The following ATL1 variants were observed in gnomAD, a reference collection of about 807,000 sequenced individuals.
The protein encoded by ATL1 is atlastin-1.
In ATL1, 31 loss-of-function variants were observed where a neutral mutation model predicts 75.5. The observed-to-expected ratio is 0.41, with a 90% CI of 0.31 to 0.55. The LOEUF is 0.55. Among genes scored for constraint, ATL1 ranks in the 20% least tolerant of loss-of-function variants. ATL1 has a pLI of 0.27. For synonymous variants in ATL1, 226 were observed against 233.3 expected (o/e 0.97, Z 0.28); for missense variants, 405 against 662.6 (o/e 0.61, Z 4.27).
chr14:50,595,880 G>A (rs887296292), intron 6 of ATL1, among the ~76,000 whole-genome samples: 18 of 135,826 alleles, frequency 1.3e-4, no homozygotes, highest in Non-Finnish European at 2.4e-4. Context: ...CAGGCAAAAT[G>A]TCAGCTTTTT....
intron 1 of ATL1, among the ~76,000 whole-genome samples, chr14:50,586,139 G>A (rs914188378): frequency 6.6e-6 from 1 of 151,974 alleles, no homozygotes; most frequent in African/African-American, 2.4e-5. Context: ...TTATCAAATA[G>A]ACATCATGAA....
intron 1 of ATL1, 166 bp downstream of exon 1, chr14:50,560,465 C>T (rs552197060): frequency 8.7e-6 from 8 of 915,764 alleles, no homozygotes; most frequent in Non-Finnish European, 1.2e-5. Flanking sequence ...GAACCATGGC[C>T]GAGCGGTACC....
intron 4 of ATL1, 133 bp from the exon 5 acceptor site, chr14:50,593,713 A>G: frequency 1.6e-6 from 1 of 618,800 alleles, no homozygotes. Context: ...AAGGTCTTAC[A>G]AATATCATGT....
chr14:50,586,478 G>A (rs76746488), intron 1 of ATL1, among the ~76,000 whole-genome samples: 2,154 of 152,162 alleles, frequency 0.014, 41 homozygotes, highest in African/African-American at 0.049. Flanking sequence ...GGAGACCCTC[G>A]TAACTTAATC....
chr14:50,564,396 T>A (rs975341424), intron 1 of ATL1, among the ~76,000 whole-genome samples: 14 of 152,128 alleles, frequency 9.2e-5, no homozygotes, highest in African/African-American at 3.4e-4. Context: ...ATGCTTGTAA[T>A]CCCAGCACTT....
chr14:50,602,586 G>A (rs1308291076), intron 6 of ATL1, among the ~76,000 whole-genome samples: 1 of 151,912 alleles, frequency 6.6e-6, no homozygotes, highest in Non-Finnish European at 1.5e-5. Flanking sequence ...GTGGCATTTC[G>A]ACATGGTGGG....
intron 1 of ATL1, among the ~76,000 whole-genome samples, chr14:50,579,717 A>G (rs1464503749): frequency 1.3e-5 from 2 of 152,186 alleles, no homozygotes; most frequent in Non-Finnish European, 2.9e-5. Context: ...TTTCAGTGGT[A>G]TGTTGGAGCC....
chr14:50,589,154 T>C (rs1470447690), intron 2 of ATL1, among the ~76,000 whole-genome samples: 1 of 140,452 alleles, frequency 7.1e-6, no homozygotes, highest in Admixed American at 7.4e-5. Flanking sequence ...TTTCTTTCTT[T>C]CTTTTTTTTT....
chr14:50,593,165 A>C (rs1332945215), intron 4 of ATL1, among the ~76,000 whole-genome samples: 1 of 151,882 alleles, frequency 6.6e-6, no homozygotes, highest in Non-Finnish European at 1.5e-5. Context: ...TTTATATTTG[A>C]CCTGAATACA....
rs989768711 is a variant in ATL1 at position 50,551,308 on chromosome 14, C to A, written c.-139-8819C>A. Among the ~76,000 whole-genome samples the A allele has an allele frequency of 8.6e-5, 13 of 150,994 alleles. No homozygotes were observed. In the East Asian group the frequency reaches 2.2e-3, roughly 25 times the overall value. On this transcript the variant is annotated intron_variant, in intron 1 of 13. Transcript: ENST00000441560. The stretch of plus-strand genomic sequence containing the variant: ...TGGATAAATTCCTGGAAATGTACAA[C>A]CCTCCTGATTAAATCAGGAAGAAAT...
intron 1 of ATL1, among the ~76,000 whole-genome samples, chr14:50,553,037 G>A (rs1413523414): frequency 6.6e-6 from 1 of 152,174 alleles, no homozygotes; most frequent in Non-Finnish European, 1.5e-5. Context: ...GCTCACGCCT[G>A]TAATCTCAGC....
chr14:50,570,425 G>T (rs1278095580), intron 1 of ATL1, among the ~76,000 whole-genome samples: 2 of 151,850 alleles, frequency 1.3e-5, no homozygotes, highest in Admixed American at 6.6e-5. Flanking sequence ...GCCCAGGCTA[G>T]AGTGTAGTGG....
chr14:50,604,132 C>T (rs542394039), intron 6 of ATL1, among the ~76,000 whole-genome samples: 3 of 152,240 alleles, frequency 2.0e-5, no homozygotes, highest in Non-Finnish European at 4.4e-5. Context: ...TTATTCTCGT[C>T]TTTAATTTTT....
intron 6 of ATL1, among the ~76,000 whole-genome samples, chr14:50,609,890 A>AC (rs2039347846): frequency 6.6e-6 from 1 of 151,856 alleles, no homozygotes; most frequent in African/African-American, 2.4e-5. Flanking sequence ...ATTTTTCTGG[A>AC]TTTTTTTTGT....
intron 1 of ATL1, among the ~76,000 whole-genome samples, chr14:50,572,625 T>A (rs1205560970): frequency 6.6e-6 from 1 of 152,220 alleles, no homozygotes; most frequent in African/African-American, 2.4e-5. Flanking sequence ...TACTTTCTTT[T>A]GGTTTATTCT....
intron 6 of ATL1, among the ~76,000 whole-genome samples, chr14:50,608,572 G>A (rs536905994): frequency 6.6e-6 from 1 of 151,994 alleles, no homozygotes; most frequent in African/African-American, 2.4e-5. Context: ...TTAATTTCAT[G>A]ATTACTTTAC....
chr14:50,584,652 T>C (rs1474888108), intron 1 of ATL1, among the ~76,000 whole-genome samples: 1 of 151,842 alleles, frequency 6.6e-6, no homozygotes, highest in Non-Finnish European at 1.5e-5. Flanking sequence ...GAGCTTGCAG[T>C]GAGCCGAGAT....
chr14:50,620,026 G>A (rs1424731160), intron 8 of ATL1, among the ~76,000 whole-genome samples: 3 of 152,148 alleles, frequency 2.0e-5, no homozygotes, highest in East Asian at 1.9e-4. Flanking sequence ...TTGGGAGGCC[G>A]AGGCGGGAGG....
intron 1 of ATL1, chr14:50,533,504 A>C (rs1182187126): frequency 6.6e-6 from 1 of 152,178 alleles, no homozygotes. Flanking sequence ...CGGGGAAGTA[A>C]TTTGGCTGAT....
Sources: gnomAD v4.1 joint callset for allele counts (sites outside exome capture counted in the v4.1 genomes callset) on GRCh38, gnomAD v4.1.1 for gene constraint, MANE v1.5 for transcripts, NCBI Gene and HGNC (gene_info 2026-07-23, HGNC 2026-07-21) for gene names.